Variants in TRIO observed in about 807,000 individuals in gnomAD.
The protein encoded by TRIO is trio Rho guanine nucleotide exchange factor.
Under a neutral mutation model 351.9 loss-of-function variants are expected in TRIO, and 58 were observed. The ratio of observed to expected loss-of-function variants is 0.16; its 90% CI spans 0.13 to 0.21. The LOEUF (loss-of-function observed/expected upper bound fraction) is 0.21. Among genes scored for constraint, TRIO ranks in the 10% least tolerant of loss-of-function variants. The pLI, the probability that TRIO is intolerant of heterozygous loss-of-function variation, is 1.00. For synonymous variants in TRIO, 1,758 were observed against 1,595.7 expected (o/e 1.10, Z -2.42); for missense variants, 3,201 against 4,027.8 (o/e 0.79, Z 5.56).
At chr5:14,295,812 C>T (rs543950086) in intron 6 of TRIO, among the ~76,000 whole-genome samples, 11 of 152,322 alleles carry the variant, frequency 7.2e-5, no homozygotes, top group Middle Eastern at 3.4e-3. Context: ...TTGACTGTTG[C>T]AGCCTCTTTC....
chr5:14,466,861 C>T (rs1754297193), intron 37 of TRIO, among the ~76,000 whole-genome samples: 1 of 152,232 alleles, frequency 6.6e-6, no homozygotes, highest in Non-Finnish European at 1.5e-5. Flanking sequence ...CAGATTACCT[C>T]TTTCCTTTAT....
intron 16 of TRIO, among the ~76,000 whole-genome samples, chr5:14,367,699 A>G (rs1411189845): frequency 6.6e-6 from 1 of 152,222 alleles, no homozygotes; most frequent in East Asian, 1.9e-4. Context: ...GATTACAGAA[A>G]TGTTATCTCC....
intron 8 of TRIO, among the ~76,000 whole-genome samples, chr5:14,310,817 C>G (rs1270147296): frequency 6.6e-6 from 1 of 152,190 alleles, no homozygotes; most frequent in Non-Finnish European, 1.5e-5. Context: ...TCCTGAGCAG[C>G]TGGGATTACA....
chr5:14,289,459 G>C (rs942624856), intron 4 of TRIO, among the ~76,000 whole-genome samples: 1 of 152,120 alleles, frequency 6.6e-6, no homozygotes, highest in East Asian at 1.9e-4. Flanking sequence ...GGCTTAAGAT[G>C]GGAGGATGGC....
At chr5:14,443,756 A>C (rs1752237687) in intron 34 of TRIO, among the ~76,000 whole-genome samples, 2 of 152,272 alleles carry the variant, frequency 1.3e-5, no homozygotes, top group South Asian at 4.1e-4. Context: ...TAACTTACAC[A>C]GACATGAGCC....
chr5:14,440,154 AAATT>A (rs1561492869), intron 34 of TRIO, among the ~76,000 whole-genome samples: 1 of 152,186 alleles, frequency 6.6e-6, no homozygotes, highest in Admixed American at 6.5e-5. Context: ...GACATGAGAA[AAATT>A]ATTAATATAA....
chr5:14,464,541 G>A (rs984962557), intron 36 of TRIO, among the ~76,000 whole-genome samples: 47 of 151,940 alleles, frequency 3.1e-4, no homozygotes, highest in African/African-American at 1.1e-3. Flanking sequence ...GTCTGTTTTG[G>A]CTCAATTTCC....
chr5:14,184,059 C>T, intron 1 of TRIO: 3 of 677,934 alleles, frequency 4.4e-6, no homozygotes, highest in Non-Finnish European at 8.1e-6. Context: ...TGGACCTTGA[C>T]CTCAGAGCTC....
chr5:14,288,869 A>G (rs1736672619), intron 4 of TRIO, among the ~76,000 whole-genome samples: 1 of 152,054 alleles, frequency 6.6e-6, no homozygotes, highest in South Asian at 2.1e-4. Context: ...TTGTCTTTGC[A>G]TTTAATCTTC....
rs70964542 is a variant in TRIO, at chr5:14,180,100, C to CAAAAAAAA, written c.157+36239_157+36246dup. On this transcript the variant is annotated intron_variant, in intron 1 of 56. Coordinates refer to ENST00000344204, the MANE Select transcript of TRIO (RefSeq NM_007118.4). ...TGGGTGACAGAGCAGGACTCCTGCT[C>CAAAAAAAA]AAAAAAAAAAAAAAAAAAAAAAAAA... Among the ~76,000 whole-genome samples the CAAAAAAAA allele has an allele frequency of 1.4e-3, 39 of 27,740 alleles. 4 individuals are homozygous for CAAAAAAAA. Among genetic ancestry groups the CAAAAAAAA allele is most frequent in the East Asian group, 2.1e-3 (1 of 470 alleles). The allele number at this position is 27,740 out of a possible 152,430, so 18.2% of individuals were successfully genotyped here. A position where few individuals can be genotyped will look rare whatever the true frequency, so the allele number is the denominator to read the frequency against.
At chr5:14,358,997 C>A (rs545285093) in intron 12 of TRIO, among the ~76,000 whole-genome samples, 1 of 152,318 alleles carries the variant, frequency 6.6e-6, no homozygotes, top group East Asian at 1.9e-4. Context: ...TAAAGGTTAA[C>A]CTCTCGTGTC....
intron 33 of TRIO, among the ~76,000 whole-genome samples, chr5:14,418,592 G>A (rs910239757): frequency 1.3e-5 from 2 of 152,170 alleles, no homozygotes; most frequent in South Asian, 2.1e-4. Context: ...GGCATGATGA[G>A]TCATGTCCCA....
intron 35 of TRIO, 96 bp from the exon 36 acceptor site, chr5:14,462,659 C>A: frequency 6.6e-7 from 1 of 1,507,778 alleles, no homozygotes; most frequent in Non-Finnish European, 9.0e-7. Flanking sequence ...TTCTGCCATC[C>A]CAGTCTCTGT....
intron 1 of TRIO, among the ~76,000 whole-genome samples, chr5:14,240,874 A>C (rs554467092): frequency 6.6e-6 from 1 of 152,200 alleles, no homozygotes; most frequent in Non-Finnish European, 1.5e-5. Flanking sequence ...GTATTCATTA[A>C]AACTGTTGGC....
chr5:14,310,749 G>A (rs376058493), intron 8 of TRIO, among the ~76,000 whole-genome samples: 3 of 152,330 alleles, frequency 2.0e-5, no homozygotes, highest in East Asian at 1.9e-4. Flanking sequence ...GCAGTGGTGC[G>A]ATTTAGGCTC....
chr5:14,378,004 T>G lies in TRIO; in HGVS notation c.3332-8T>G, dbSNP rs369818812. 8.7e-5 allele frequency: 139 copies of G among 1,602,870 alleles called. 1 individual carries two copies. In the African/African-American group the frequency reaches 1.8e-3, roughly 21 times the overall value. Reference sequence around the variant, plus strand: ...CACCAACATACATCATTTTCTTTTTTCTCTCAGATATCTTGAATGAACTCT... The same window carrying G: ...CACCAACATACATCATTTTCTTTTTGCTCTCAGATATCTTGAATGAACTCT... On this transcript the variant is annotated splice_polypyrimidine_tract_variant and splice_region_variant and intron_variant, in intron 19 of 56. Coordinates refer to ENST00000344204, the MANE Select transcript of TRIO (RefSeq NM_007118.4).
chr5:14,452,699 C>T (rs1001705361), intron 34 of TRIO, among the ~76,000 whole-genome samples: 1 of 152,198 alleles, frequency 6.6e-6, no homozygotes, highest in Non-Finnish European at 1.5e-5. Context: ...TTGGGTGAAA[C>T]CTTTTCAAAT....
intron 34 of TRIO, among the ~76,000 whole-genome samples, chr5:14,431,413 A>T (rs529001264): frequency 6.6e-6 from 1 of 152,334 alleles, no homozygotes; most frequent in Admixed American, 6.5e-5. Flanking sequence ...GGTCCTTTCA[A>T]ACATTCGAGA....
At chr5:14,441,021 G>C (rs963704715) in intron 34 of TRIO, 1 of 151,470 alleles carries the variant, frequency 6.6e-6, no homozygotes, top group South Asian at 2.1e-4. Flanking sequence ...CGCGCGCTCA[G>C]ACGCCAGCGA....
Sources: gnomAD v4.1 joint callset for allele counts (sites outside exome capture counted in the v4.1 genomes callset) on GRCh38, gnomAD v4.1.1 for gene constraint, MANE v1.5 for transcripts, NCBI Gene and HGNC (gene_info 2026-07-23, HGNC 2026-07-21) for gene names.